The following DOCK2 variants were observed in gnomAD, a reference collection of about 807,000 sequenced individuals.
DOCK2 encodes the protein dedicator of cytokinesis 2.
A neutral mutation model predicts 248.9 loss-of-function variants in DOCK2; 87 were observed. The ratio of observed to expected loss-of-function variants is 0.35; its 90% CI spans 0.29 to 0.42. DOCK2 has a LOEUF of 0.42. DOCK2 is among the 10% of genes least tolerant of loss of function. DOCK2 has a pLI of 1.00. For missense variants in DOCK2, 1,747 were observed against 2,300.2 expected, an observed-to-expected ratio of 0.76 and a Z score of 4.92; for synonymous variants, 805 against 821.6, an observed-to-expected ratio of 0.98 and a Z score of 0.35.
At chr5:169,892,568 G>T (rs558791362) in intron 27 of DOCK2, among the ~76,000 whole-genome samples, 6 of 152,260 alleles carry the variant, frequency 3.9e-5, no homozygotes, top group South Asian at 4.2e-4. Flanking sequence ...GATCCCAGAG[G>T]CCTCTCCGAT....
intron 2 of DOCK2, among the ~76,000 whole-genome samples, chr5:169,663,683 C>T (rs1414631089): frequency 6.6e-6 from 1 of 152,230 alleles, no homozygotes; most frequent in East Asian, 1.9e-4. Flanking sequence ...GTACCTTGGC[C>T]CCTTTTAGCC....
chr5:169,793,517 A>G (rs1766474054), intron 25 of DOCK2, among the ~76,000 whole-genome samples: 1 of 152,198 alleles, frequency 6.6e-6, no homozygotes, highest in Non-Finnish European at 1.5e-5. Context: ...TAAAATAGGT[A>G]TAATGATATA....
intron 17 of DOCK2, among the ~76,000 whole-genome samples, chr5:169,712,828 G>C (rs1761658726): frequency 6.6e-6 from 1 of 152,220 alleles, no homozygotes; most frequent in Non-Finnish European, 1.5e-5. Context: ...GACTTGGACT[G>C]TTTTTGAGAC....
At chr5:169,970,433 CT>C (rs892779465) in intron 27 of DOCK2, among the ~76,000 whole-genome samples, 3 of 152,312 alleles carry the variant, frequency 2.0e-5, no homozygotes, top group African/African-American at 7.2e-5. Flanking sequence ...AGAACAATCA[CT>C]TTGTTTGTAG....
At chr5:169,982,333 G>C (rs371472244) in intron 27 of DOCK2, among the ~76,000 whole-genome samples, 1 of 152,186 alleles carries the variant, frequency 6.6e-6, no homozygotes, top group Non-Finnish European at 1.5e-5. Context: ...ATCTGGGAAA[G>C]AGGAAGCAGA....
In DOCK2 at chr5:169,885,601, C is replaced by T. The variant is rs149280832; in HGVS notation, c.2799+44749C>T. ...ACTACCTCATAATAATAATAGCCACCATTTATTGAGCACATACTTTTACCA... is the reference window on the plus strand; with the variant it reads ...ACTACCTCATAATAATAATAGCCACTATTTATTGAGCACATACTTTTACCA... On this transcript the variant is annotated intron_variant, in intron 27 of 51. Coordinates refer to ENST00000520908, the MANE Select transcript of DOCK2 (RefSeq NM_004946.3). 2.9e-4 allele frequency among the ~76,000 whole-genome samples: 44 copies of T among 152,250 alleles called. 1 individual carries two copies. In the East Asian group the frequency reaches 8.1e-3, roughly 28 times the overall value.
intron 27 of DOCK2, among the ~76,000 whole-genome samples, chr5:169,865,344 C>T (rs1294388179): frequency 3.3e-5 from 5 of 152,164 alleles, no homozygotes; most frequent in African/African-American, 1.2e-4. Context: ...GAACAGAAGC[C>T]TGGCCTGTAG....
intron 26 of DOCK2, among the ~76,000 whole-genome samples, chr5:169,816,520 A>T (rs1315069507): frequency 1.3e-5 from 2 of 152,024 alleles, no homozygotes; most frequent in Non-Finnish European, 2.9e-5. Flanking sequence ...ACTCAGCTTA[A>T]TTTTCCTCTC....
chr5:169,693,616 A>C (rs1760433289), intron 9 of DOCK2, among the ~76,000 whole-genome samples: 1 of 152,144 alleles, frequency 6.6e-6, no homozygotes, highest in African/African-American at 2.4e-5. Context: ...TGGGATCTCA[A>C]ATTCAAATGC....
intron 27 of DOCK2, among the ~76,000 whole-genome samples, chr5:169,905,835 G>A (rs769136819): frequency 2.6e-5 from 4 of 152,216 alleles, no homozygotes; most frequent in Non-Finnish European, 4.4e-5. Context: ...TGGGGCAGAT[G>A]TAGCAGCCAG....
intron 2 of DOCK2, among the ~76,000 whole-genome samples, chr5:169,666,398 A>G (rs1350156782): frequency 6.6e-6 from 1 of 152,206 alleles, no homozygotes; most frequent in African/African-American, 2.4e-5. Flanking sequence ...GAAAGTGGTT[A>G]TCTCATGAAA....
chr5:169,844,552 A>G (rs1447911134), intron 27 of DOCK2, among the ~76,000 whole-genome samples: 1 of 152,214 alleles, frequency 6.6e-6, no homozygotes, highest in Non-Finnish European at 1.5e-5. Flanking sequence ...CCATCACACT[A>G]CGTGGCTGTA....
chr5:169,774,629 T>C (rs2113781029), intron 25 of DOCK2, among the ~76,000 whole-genome samples: 1 of 152,292 alleles, frequency 6.6e-6, no homozygotes, highest in Admixed American at 6.5e-5. Context: ...CTCTTTAAAT[T>C]TGAGCTCACA....
intron 28 of DOCK2, 84 bp downstream of exon 28, chr5:169,983,250 G>A (rs978194082): frequency 1.0e-5 from 14 of 1,378,922 alleles, no homozygotes; most frequent in African/African-American, 2.9e-5. Flanking sequence ...AGACCTGCCT[G>A]TCTATCACAT....
intron 50 of DOCK2, 86 bp downstream of exon 50, chr5:170,080,369 T>A: frequency 6.4e-7 from 1 of 1,572,338 alleles, no homozygotes; most frequent in Non-Finnish European, 8.6e-7. Flanking sequence ...GGGAACTGTG[T>A]CTACACAACA....
At position 170,083,341 on chromosome 5, in the gene DOCK2, G is replaced by A. The variant is rs1005824385; in HGVS notation, c.*483G>A. On this transcript the variant is annotated 3_prime_UTR_variant, in exon 52 of 52. Coordinates refer to ENST00000520908, the MANE Select transcript of DOCK2 (RefSeq NM_004946.3). The stretch of plus-strand genomic sequence containing the variant: ...AGCCAATCATCTCTGAAGAGTTGCT[G>A]TTTCTTACTGACAATAAAAAATGTT... 6.5e-6 allele frequency: 1 copy of A among 152,776 alleles called. No individual in the cohort carries two copies. The highest frequency in any genetic ancestry group is 1.5e-5 in the Non-Finnish European group (1 of 68,490). 9.5% of individuals were successfully genotyped at this position (152,776 alleles called of 1,614,324 possible).
At chr5:169,881,594 C>T (rs536166018) in intron 27 of DOCK2, among the ~76,000 whole-genome samples, 2 of 152,260 alleles carry the variant, frequency 1.3e-5, no homozygotes, top group Admixed American at 6.5e-5. Context: ...AAGAATGTCA[C>T]GACAATAGGA....
At chr5:169,904,151 CCTAGAT>C (rs1299682702) in intron 27 of DOCK2, among the ~76,000 whole-genome samples, 2 of 150,990 alleles carry the variant, frequency 1.3e-5, no homozygotes, top group African/African-American at 4.9e-5. Context: ...TCTGGGGCTG[CCTAGAT>C]CCTTTGTACT....
chr5:169,735,579 G>T (rs1343489688), intron 22 of DOCK2, among the ~76,000 whole-genome samples: 1 of 152,176 alleles, frequency 6.6e-6, no homozygotes, highest in Non-Finnish European at 1.5e-5. Flanking sequence ...TGTTTTACAT[G>T]TATAGACGTC....
Sources: allele counts gnomAD v4.1 joint callset (sites outside exome capture counted in the v4.1 genomes callset), GRCh38; gene constraint gnomAD v4.1.1; transcripts MANE v1.5; gene names NCBI Gene and HGNC (gene_info 2026-07-23, HGNC 2026-07-21).